Variants in DOCK9 observed in about 807,000 individuals in gnomAD.
DOCK9 encodes dedicator of cytokinesis 9, also known as dedicator of cytokinesis protein 9.
In DOCK9, 89 loss-of-function variants were observed where a neutral mutation model predicts 263.3. That is an observed-to-expected ratio of 0.34 (90% CI 0.28 to 0.40). The LOEUF (loss-of-function observed/expected upper bound fraction) is 0.40, where lower values mean the gene tolerates loss of function less well. DOCK9 is among the 10% of genes least tolerant of loss of function. The probability of loss-of-function intolerance (pLI) is 1.00; values close to 1 mark genes in which losing one functional copy is unlikely to be tolerated. For synonymous variants in DOCK9, 976 were observed against 973.1 expected, an observed-to-expected ratio of 1.00 and a Z score of -0.06; for missense variants, 2,140 against 2,603.4, an observed-to-expected ratio of 0.82 and a Z score of 3.87.
At chr13:98,900,717 C>T (rs1566907331) in intron 13 of DOCK9, among the ~76,000 whole-genome samples, 1 of 152,190 alleles carries the variant, frequency 6.6e-6, no homozygotes, top group South Asian at 2.1e-4. Context: ...ACAGAAGGAA[C>T]ATATGGAGGC....
chr13:98,925,296 C>T (rs1297061168), intron 4 of DOCK9, among the ~76,000 whole-genome samples: 4 of 152,054 alleles, frequency 2.6e-5, no homozygotes, highest in South Asian at 2.1e-4. Flanking sequence ...ACCTAGCTAC[C>T]GCGATTCACT....
At chr13:99,079,895 C>T (rs1305809455) in intron 1 of DOCK9, among the ~76,000 whole-genome samples, 1 of 152,174 alleles carries the variant, frequency 6.6e-6, no homozygotes, top group Non-Finnish European at 1.5e-5. Context: ...CAAAAATTAG[C>T]CGGGTGTGGT....
At chr13:98,920,882 A>C in intron 7 of DOCK9, 72 bp downstream of exon 7, 6 of 1,432,224 alleles carry the variant, frequency 4.2e-6, no homozygotes, top group Non-Finnish European at 5.6e-6. Flanking sequence ...GTGTTTGCTT[A>C]AATCTGCTAA....
intron 50 of DOCK9, 39 bp downstream of exon 50, chr13:98,800,249 C>T (rs773955537): frequency 4.6e-6 from 7 of 1,536,752 alleles, no homozygotes; most frequent in African/African-American, 4.1e-5. Flanking sequence ...GGGGCAAGGA[C>T]GTCCCCTGCT....
At chr13:98,797,974 T>C (rs2089640590) in intron 50 of DOCK9, among the ~76,000 whole-genome samples, 1 of 152,228 alleles carries the variant, frequency 6.6e-6, no homozygotes, top group Non-Finnish European at 1.5e-5. Flanking sequence ...TTGAATTGTA[T>C]AGACAGCCAT....
chr13:98,870,044 G>A (rs990300395), intron 27 of DOCK9, among the ~76,000 whole-genome samples: 5 of 152,188 alleles, frequency 3.3e-5, no homozygotes, highest in South Asian at 2.1e-4. Flanking sequence ...ACCTTCTGTC[G>A]AATTTAAACC....
rs1387494342 is a variant in DOCK9 at position 98,817,247 on chromosome 13, T to C, written c.5131-6956A>G. On this transcript the variant is annotated intron_variant, in intron 45 of 52. Transcript: ENST00000682017. The stretch of plus-strand genomic sequence containing the variant: ...ACTAAGATTGGGGTTTTTTGTTTGT[T>C]TGTTTGTTTGAGACAGGTCTTGCAT... 2.0e-5 allele frequency among the ~76,000 whole-genome samples: 3 copies of C among 152,148 alleles called. No homozygotes were observed. The East Asian group carries it at 5.8e-4, about 29-fold the overall frequency.
At chr13:99,059,436 AC>A (rs80009752) in intron 1 of DOCK9, among the ~76,000 whole-genome samples, 33,212 of 151,076 alleles carry the variant, frequency 0.22, 3,630 homozygotes, top group Middle Eastern at 0.3. Context: ...CAATTACCCA[AC>A]CCCACTGAGT....
Position 98,881,976 on chromosome 13 carries a change from A to G in DOCK9, c.2591T>C (p.Ile864Thr). Reference protein sequence around the residue: ...SLHAMEGHVMIAFLPTILNQL... With the variant: ...SLHAMEGHVMTAFLPTILNQL... ...GTTTAGGATAGTGGGCAAGAAGGCG[A>G]TCATCACGTGGCCTTCCATCGCATG... The change falls in exon 24 of 53, where the codon ATC (isoleucine) becomes ACC (threonine). Residue 864 changes from isoleucine to threonine, a missense_variant. Coordinates refer to ENST00000682017, the MANE Select transcript of DOCK9 (RefSeq NM_001366683.2). The G allele has an allele frequency of 6.3e-7, 1 of 1,598,258 alleles. No homozygotes were observed. Among genetic ancestry groups the G allele is most frequent in the Non-Finnish European group, 8.5e-7 (1 of 1,172,412 alleles).
At chr13:99,061,216 A>G (rs2041173419) in intron 1 of DOCK9, among the ~76,000 whole-genome samples, 3 of 152,220 alleles carry the variant, frequency 2.0e-5, no homozygotes, top group Non-Finnish European at 4.4e-5. Flanking sequence ...GCATTTGTCA[A>G]TATGGCAAGA....
intron 1 of DOCK9, among the ~76,000 whole-genome samples, chr13:99,047,760 C>A (rs374143883): frequency 1.3e-5 from 2 of 151,862 alleles, no homozygotes; most frequent in Non-Finnish European, 2.9e-5. Flanking sequence ...TGACTTCAGG[C>A]GATCCACCCA....
At chr13:98,896,191 G>A (rs2139259043) in intron 15 of DOCK9, among the ~76,000 whole-genome samples, 1 of 152,302 alleles carries the variant, frequency 6.6e-6, no homozygotes, top group African/African-American at 2.4e-5. Context: ...GTCAAAAACT[G>A]TATAATCACA....
At chr13:99,076,924 G>A (rs2041929916) in intron 1 of DOCK9, among the ~76,000 whole-genome samples, 1 of 152,184 alleles carries the variant, frequency 6.6e-6, no homozygotes, top group South Asian at 2.1e-4. Context: ...GCTTTAGTTT[G>A]GGTGGATAGG....
chr13:98,934,756 G>A (rs775618670), intron 2 of DOCK9, among the ~76,000 whole-genome samples: 3 of 152,214 alleles, frequency 2.0e-5, no homozygotes, highest in Non-Finnish European at 4.4e-5. Flanking sequence ...GTAAGATACA[G>A]TAAATGCCTG....
At chr13:98,937,600 A>G (rs1567024551) in intron 2 of DOCK9, among the ~76,000 whole-genome samples, 1 of 152,206 alleles carries the variant, frequency 6.6e-6, no homozygotes, top group African/African-American at 2.4e-5. Context: ...AATCACAGGC[A>G]TAATTAAAAA....
At chr13:98,979,205 T>C (rs1876293791), upstream of DOCK9, among the ~76,000 whole-genome samples, 1 of 127,212 alleles carries the variant, frequency 7.9e-6, no homozygotes, top group African/African-American at 3.1e-5. Flanking sequence ...GTAGTAGTAG[T>C]AGTAGTAGTA....
chr13:98,798,427 G>A (rs1042847990), intron 50 of DOCK9, among the ~76,000 whole-genome samples: 1 of 152,212 alleles, frequency 6.6e-6, no homozygotes, highest in Non-Finnish European at 1.5e-5. Flanking sequence ...GTCAGAGGGG[G>A]ACCTCTGAGC....
At chr13:98,911,048 G>C (rs2049934871) in intron 9 of DOCK9, among the ~76,000 whole-genome samples, 1 of 152,138 alleles carries the variant, frequency 6.6e-6, no homozygotes, top group Admixed American at 6.5e-5. Flanking sequence ...TGGGGATGGG[G>C]AACACAGGTC....
At chr13:98,832,799 A>G (rs1044763701) in intron 39 of DOCK9, among the ~76,000 whole-genome samples, 1 of 152,262 alleles carries the variant, frequency 6.6e-6, no homozygotes, top group Non-Finnish European at 1.5e-5. Flanking sequence ...CAGATTTGAC[A>G]TTAATAAAAA....
Sources: gnomAD v4.1 joint callset for allele counts (sites outside exome capture counted in the v4.1 genomes callset) on GRCh38, gnomAD v4.1.1 for gene constraint, MANE v1.5 for transcripts, NCBI Gene and HGNC (gene_info 2026-07-23, HGNC 2026-07-21) for gene names.